The following NOD2 variants were observed in gnomAD, a reference collection of about 807,000 sequenced individuals.
NOD2 encodes nucleotide binding oligomerization domain containing 2, also known as nucleotide-binding oligomerization domain-containing protein 2.
Under a neutral mutation model 90.9 loss-of-function variants are expected in NOD2, and 86 were observed. The ratio of observed to expected loss-of-function variants is 0.95; its 90% CI spans 0.79 to 1.13. The LOEUF (loss-of-function observed/expected upper bound fraction) is 1.13. Among genes scored for constraint, NOD2 ranks in the 50% most tolerant of loss-of-function variants. The probability of loss-of-function intolerance (pLI) is 0.00; values close to 1 mark genes in which losing one functional copy is unlikely to be tolerated. For missense variants in NOD2, 1,238 were observed against 1,283.8 expected, an observed-to-expected ratio of 0.96 and a Z score of 0.55; for synonymous variants, 581 against 554.6, an observed-to-expected ratio of 1.05 and a Z score of -0.67.
rs1190809904 is a variant in NOD2, at chr16:50,732,188, A to T, written c.*369A>T. 2.6e-6 allele frequency: 1 copy of T among 377,376 alleles called. No homozygotes were observed. The highest frequency in any genetic ancestry group is 3.8e-5 in the Admixed American group (1 of 26,606). The allele number at this position is 377,376 out of a possible 1,614,324, so 23.4% of individuals were successfully genotyped here. On this transcript the variant is annotated 3_prime_UTR_variant, in exon 12 of 12. Transcript: ENST00000647318. ...GTTAACTGAGTGCCTTTTGGTGGAGAGGCCCGGCCTCTCACAAAAGACCCC... is the reference window on the plus strand; with the variant it reads ...GTTAACTGAGTGCCTTTTGGTGGAGTGGCCCGGCCTCTCACAAAAGACCCC...
chr16:50,722,970 A>G lies in NOD2; in HGVS notation c.2717+265A>G, dbSNP rs2076756. On this transcript the variant is annotated intron_variant, in intron 8 of 11. Coordinates refer to ENST00000647318, the MANE Select transcript of NOD2 (RefSeq NM_001370466.1). ...GGATCAGGTACATTTTATCTTAAGGACCAATTCCAATCCATTGGTAGTGGG... is the reference window on the plus strand; with the variant it reads ...GGATCAGGTACATTTTATCTTAAGGGCCAATTCCAATCCATTGGTAGTGGG... 0.17 allele frequency among the ~76,000 whole-genome samples: 26,017 copies of G among 151,902 alleles called. 2,890 individuals are homozygous for G. The highest frequency in any genetic ancestry group is 0.25 in the Non-Finnish European group (17,247 of 67,920).
In NOD2 at chr16:50,722,624, T is replaced by A. The variant is rs750560134; in HGVS notation, c.2636T>A (p.Phe879Tyr). The A allele has an allele frequency of 6.2e-7, 1 of 1,614,186 alleles. No homozygotes were observed. The highest frequency in any genetic ancestry group is 8.5e-7 in the Non-Finnish European group (1 of 1,180,018). ...GTTGACTCTTTTGGCCTTTTCAGATTCTGGGGCAACAGAGTGGGTGACGAG... is the reference window on the plus strand; with the variant it reads ...GTTGACTCTTTTGGCCTTTTCAGATACTGGGGCAACAGAGTGGGTGACGAG... The part of the protein sequence containing the change: ...RGNTSLQFLG[F>Y]WGNRVGDEGA... Residue 879 changes from phenylalanine to tyrosine, a missense_variant and splice_region_variant, in exon 8 of 12, where the codon TTC (phenylalanine) becomes TAC (tyrosine). Phe to Tyr is a conservative substitution (Grantham distance 22). Transcript: ENST00000647318.
intron 10 of NOD2, chr16:50,727,900 T>A: frequency 3.3e-6 from 1 of 299,616 alleles, no homozygotes; most frequent in South Asian, 3.2e-5. Flanking sequence ...GACCTTTTTT[T>A]TTTGGTGCGA....
intron 10 of NOD2, chr16:50,727,875 A>G: frequency 3.1e-6 from 1 of 327,500 alleles, no homozygotes; most frequent in South Asian, 2.7e-5. Context: ...CTAGCAGCAG[A>G]CCACCAGTGA....
intron 6 of NOD2, among the ~76,000 whole-genome samples, chr16:50,718,092 C>T (rs1207196742): frequency 6.6e-6 from 1 of 152,258 alleles, no homozygotes; most frequent in Non-Finnish European, 1.5e-5. Flanking sequence ...AATGTGGACT[C>T]TCTCCATCTC....
Position 50,720,001 on chromosome 16 carries a change from T to G in NOD2, c.2626T>G (p.Phe876Val). 6.2e-7 allele frequency: 1 copy of G among 1,614,028 alleles called. No homozygotes were observed. The highest frequency in any genetic ancestry group is 8.5e-7 in the Non-Finnish European group (1 of 1,179,926). Residue 876 changes from phenylalanine to valine, a missense_variant, in exon 7 of 12, where the codon TTC (phenylalanine) becomes GTC (valine). By Grantham distance (50) the Phe-to-Val change is conservative. Coordinates refer to ENST00000647318, the MANE Select transcript of NOD2 (RefSeq NM_001370466.1). The stretch of plus-strand genomic sequence containing the variant: ...GCTCCGAGGCAACACCTCCTTGCAG[T>G]TCCTGGGGTAGGTTGGATTCCAGGA... ...EGLRGNTSLQ[F>V]LGFWGNRVGD...
Position 50,708,037 on chromosome 16 carries a change from C to T in NOD2, c.565+77C>T, listed in dbSNP as rs1964281617. 24 of 993,866 alleles carry T rather than the reference C, an allele frequency of 2.4e-5. No homozygotes were observed. In the Admixed American group the frequency reaches 2.9e-4, roughly 12 times the overall value. The allele number at this position is 993,866 out of a possible 1,614,324, so 61.6% of individuals were successfully genotyped here. On this transcript the variant is annotated intron_variant, in intron 3 of 11. Transcript: ENST00000647318. ...CCATGGTTAAGAGCAGAACACACCT[C>T]GGTTAACATCCCATATGCTGGCAGT...
chr16:50,694,305 CTGT>C (rs958324373), intron 1 of NOD2, among the ~76,000 whole-genome samples: 3 of 152,166 alleles, frequency 2.0e-5, no homozygotes, highest in African/African-American at 7.2e-5. Flanking sequence ...TCCCCATGGG[CTGT>C]GACCTAGCCT....
chr16:50,697,236 G>A lies in NOD2; in HGVS notation c.-8-2252G>A, dbSNP rs566551188. ...GCCATGCCTGCTCCCCCAGCCTAAT[G>A]GGCTTTGATGGGGGAAGAGGGTGGT... On this transcript the variant is annotated intron_variant, in intron 1 of 11. Coordinates refer to ENST00000647318, the MANE Select transcript of NOD2 (RefSeq NM_001370466.1). 33 of 1,554,394 alleles carry A rather than the reference G, an allele frequency of 2.1e-5. No homozygotes were observed. In the South Asian group the frequency reaches 3.1e-4, roughly 15 times the overall value.
chr16:50,697,011 G>A lies in NOD2; in HGVS notation c.-8-2477G>A, dbSNP rs1294836421. The A allele has an allele frequency of 5.1e-6, 3 of 592,560 alleles. No individual in the cohort carries two copies. In the South Asian group the frequency reaches 5.8e-5, roughly 12 times the overall value. The allele number at this position is 592,560 out of a possible 1,614,324, so 36.7% of individuals were successfully genotyped here. On this transcript the variant is annotated intron_variant, in intron 1 of 11. Coordinates refer to ENST00000647318, the MANE Select transcript of NOD2 (RefSeq NM_001370466.1). ...GTCCCCAGTGGGGTTTTTCAGTGAG[G>A]GTCATGGTCTCCAGGATGCACAAGG... is the stretch of plus-strand genomic sequence containing the variant.
intron 3 of NOD2, among the ~76,000 whole-genome samples, 156 bp downstream of exon 3, chr16:50,708,116 C>T (rs906500430): frequency 6.6e-6 from 1 of 152,172 alleles, no homozygotes; most frequent in Non-Finnish European, 1.5e-5. Context: ...CACCCCGTCT[C>T]ATTGGGATTT....
intron 1 of NOD2, among the ~76,000 whole-genome samples, chr16:50,698,691 T>C (rs975439359): frequency 1.3e-5 from 2 of 152,314 alleles, no homozygotes; most frequent in South Asian, 4.1e-4. Context: ...CCTCAGTGTC[T>C]TCCTCTGTAG....
At chr16:50,698,320 G>T (rs1398199430) in intron 1 of NOD2, among the ~76,000 whole-genome samples, 1 of 152,194 alleles carries the variant, frequency 6.6e-6, no homozygotes, top group Non-Finnish European at 1.5e-5. Context: ...GGTCACTGAT[G>T]ATAGCAGTGG....
In NOD2 at chr16:50,711,410, T is replaced by A. The variant is rs1964491198; in HGVS notation, c.1418T>A (p.Leu473Ter). Reference protein sequence around the residue: ...WMVSKCHQELLLQEGGSPKTT... With the variant: ...WMVSKCHQEL Reference sequence around the variant, plus strand: ...GTGTCCAAATGCCACCAGGAACTGTTGCTGCAGGAGGGGGGGTCCCCAAAG... The same window carrying A: ...GTGTCCAAATGCCACCAGGAACTGTAGCTGCAGGAGGGGGGGTCCCCAAAG... Residue 473 changes from leucine (L) to a stop codon, truncating the protein, a stop_gained, in exon 4 of 12, where the codon TTG becomes TAG. Coordinates refer to ENST00000647318, the MANE Select transcript of NOD2 (RefSeq NM_001370466.1). LOFTEE classifies it high-confidence loss of function. The A allele has an allele frequency of 4.3e-6, 7 of 1,613,682 alleles. No individual in the cohort carries two copies. The highest frequency in any genetic ancestry group is 5.9e-6 in the Non-Finnish European group (7 of 1,180,022).
intron 10 of NOD2, among the ~76,000 whole-genome samples, chr16:50,726,411 G>A (rs1260279124): frequency 1.3e-5 from 2 of 152,218 alleles, no homozygotes; most frequent in Non-Finnish European, 2.9e-5. Flanking sequence ...CTGCCAGGCT[G>A]CTACCCACTC....
chr16:50,720,793 C>T (rs923357899), intron 7 of NOD2, among the ~76,000 whole-genome samples: 2 of 152,118 alleles, frequency 1.3e-5, no homozygotes, highest in African/African-American at 4.8e-5. Flanking sequence ...TGCCCCCAAG[C>T]TCAGTTTTTT....
In NOD2 at chr16:50,731,961, A is replaced by G. The variant is rs527525652; in HGVS notation, c.*142A>G. On this transcript the variant is annotated 3_prime_UTR_variant, in exon 12 of 12. Coordinates refer to ENST00000647318, the MANE Select transcript of NOD2 (RefSeq NM_001370466.1). Reference sequence around the variant, plus strand: ...GCTGAACTTGTTTTCTGGGAACACCATAGGTCACCTTTATTCTGGCAGAGG... The same window carrying G: ...GCTGAACTTGTTTTCTGGGAACACCGTAGGTCACCTTTATTCTGGCAGAGG... 5.4e-5 allele frequency: 38 copies of G among 705,828 alleles called. No individual in the cohort carries two copies. The East Asian group carries it at 9.9e-4, about 18-fold the overall frequency. The allele number at this position is 705,828 out of a possible 1,614,324, so 43.7% of individuals were successfully genotyped here.
rs1964523735 is a variant in NOD2, at chr16:50,711,754, C to T, written c.1762C>T (p.Leu588=). ...TFQCFFAAFY[L]ALSADVPPAL... ...CCAGTGCTTCTTTGCCGCGTTCTAC[C>T]TGGCACTCAGTGCTGATGTGCCACC... Residue 588 remains leucine (L), a synonymous_variant, in exon 4 of 12, where the codon CTG becomes TTG. Coordinates refer to ENST00000647318, the MANE Select transcript of NOD2 (RefSeq NM_001370466.1). 6.2e-7 allele frequency: 1 copy of T among 1,614,116 alleles called. No homozygotes were observed. The highest frequency in any genetic ancestry group is 1.7e-5 in the Admixed American group (1 of 60,010).
chr16:50,699,977 C>T (rs1004722771), intron 2 of NOD2, 23 bp downstream of exon 2: 10 of 1,593,120 alleles, frequency 6.3e-6, no homozygotes, highest in Non-Finnish European at 7.7e-6. Flanking sequence ...TGGTGTGCAT[C>T]ACAGAGTTCT....
Sources: allele counts gnomAD v4.1 joint callset (sites outside exome capture counted in the v4.1 genomes callset), GRCh38; gene constraint gnomAD v4.1.1; transcripts MANE v1.5; gene names NCBI Gene and HGNC (gene_info 2026-07-23, HGNC 2026-07-21).